CCNT1: variants seen among roughly 807,000 people sequenced by gnomAD.
CCNT1 encodes the protein cyclin T1, also known as cyclin-T1.
A neutral mutation model predicts 67.3 loss-of-function variants in CCNT1; 18 were observed. The observed-to-expected ratio is 0.27, with a 90% confidence interval of 0.18 to 0.40. The LOEUF is 0.40. Ranked by LOEUF, CCNT1 falls within the 10% of genes least tolerant of loss-of-function variation. The pLI, the probability that CCNT1 is intolerant of heterozygous loss-of-function variation, is 1.00. For synonymous variants in CCNT1, 333 were observed against 310.3 expected, an observed-to-expected ratio of 1.07 and a Z score of -0.77; for missense variants, 744 against 884.9, an observed-to-expected ratio of 0.84 and a Z score of 2.02.
At chr12:48,704,869 T>C (rs1940331229) in intron 3 of CCNT1, among the ~76,000 whole-genome samples, 1 of 152,164 alleles carries the variant, frequency 6.6e-6, no homozygotes, top group South Asian at 2.1e-4. Context: ...TACGTAATTA[T>C]TTCATTATGT....
At chr12:48,698,007 A>C (rs902324025) in intron 6 of CCNT1, 131 bp downstream of exon 6, 2 of 549,624 alleles carry the variant, frequency 3.6e-6, no homozygotes, top group Non-Finnish European at 3.1e-6. Context: ...TACCATGGAA[A>C]TTTAAAGTAC....
At chr12:48,701,196 A>T in intron 3 of CCNT1, 123 bp from the exon 4 acceptor site, 1 of 321,250 alleles carries the variant, frequency 3.1e-6, no homozygotes, top group Non-Finnish European at 6.3e-6. Context: ...TAGGAGGTAG[A>T]GTTAAGAACT....
intron 2 of CCNT1, among the ~76,000 whole-genome samples, chr12:48,711,025 C>T (rs549902690): frequency 2.6e-5 from 4 of 151,934 alleles, no homozygotes; most frequent in African/African-American, 9.7e-5. Context: ...CGCGCAGCCA[C>T]TGCACTCCAG....
rs1940097453 is a variant in CCNT1 at position 48,692,854 on chromosome 12, A to G, written c.*179T>C. 2 of 559,302 alleles carry G rather than the reference A, an allele frequency of 3.6e-6. No individual in the cohort carries two copies. The highest frequency in any genetic ancestry group is 3.7e-5 in the African/African-American group (2 of 53,444). The allele number at this position is 559,302 out of a possible 1,614,324, so 34.6% of individuals were successfully genotyped here. On this transcript the variant is annotated 3_prime_UTR_variant, in exon 9 of 9. Transcript: ENST00000261900. ...AAACTGTAAGAAAATAGTTAAATGC[A>G]TGAGACAGCAGATATATAGCCAAGG...
At chr12:48,694,818 T>C (rs1463856602) in intron 8 of CCNT1, among the ~76,000 whole-genome samples, 2 of 151,778 alleles carry the variant, frequency 1.3e-5, no homozygotes, top group East Asian at 3.9e-4. Context: ...GTTGTTACTG[T>C]TGTTTTTTGT....
At chr12:48,715,621 G>A (rs985187609) in intron 1 of CCNT1, among the ~76,000 whole-genome samples, 3 of 151,840 alleles carry the variant, frequency 2.0e-5, no homozygotes, top group Non-Finnish European at 4.4e-5. Context: ...CCACTACGCC[G>A]GGGTAATTTT....
intron 4 of CCNT1, 70 bp from the exon 5 acceptor site, chr12:48,699,910 T>C: frequency 1.1e-6 from 1 of 928,272 alleles, no homozygotes; most frequent in South Asian, 1.5e-5. Context: ...TGTAAAAGGA[T>C]AACTGATTGT....
rs1334824653 is a variant in CCNT1 at position 48,692,063 on chromosome 12, G to C, written c.*970C>G. ...ACCCAATTCTGTAGGGCAGAAGCTG[G>C]CCTTGCTCGCCAACCCTCCTTCCTC... On this transcript the variant is annotated 3_prime_UTR_variant, in exon 9 of 9. Transcript: ENST00000261900. 7.2e-5 allele frequency: 11 copies of C among 151,952 alleles called. No individual in the cohort carries two copies. Among genetic ancestry groups the C allele is most frequent in the Non-Finnish European group, 1.5e-5 (1 of 68,000 alleles). The allele number at this position is 151,952 out of a possible 1,614,324, so 9.4% of individuals were successfully genotyped here.
At chr12:48,715,546 C>G (rs777436632) in intron 1 of CCNT1, among the ~76,000 whole-genome samples, 4 of 151,932 alleles carry the variant, frequency 2.6e-5, no homozygotes, top group Non-Finnish European at 4.4e-5. Flanking sequence ...CTGCAACCTC[C>G]GCCTCCCGGG....
At chr12:48,711,463 A>G (rs1166518888) in intron 2 of CCNT1, among the ~76,000 whole-genome samples, 1 of 152,102 alleles carries the variant, frequency 6.6e-6, no homozygotes, top group East Asian at 1.9e-4. Flanking sequence ...AGAGTGGACA[A>G]ACTGATTTGA....
At position 48,716,600 on chromosome 12, in the gene CCNT1, G is replaced by C. The variant is rs748920111; in HGVS notation, c.76C>G (p.Arg26Gly). The C allele has an allele frequency of 1.4e-5, 22 of 1,614,112 alleles. No individual in the cohort carries two copies. The highest frequency in any genetic ancestry group is 1.9e-5 in the Non-Finnish European group (22 of 1,180,032). ...TCTTTATCTGGGTCCACGCCAAAAC[G>C]ACGGGATGGGCTATTTTCCAGCTGT... is the stretch of plus-strand genomic sequence containing the variant. ...REQLENSPSR[R>G]FGVDPDKELS... is the part of the protein sequence containing the mutation. The change falls in exon 1 of 9, where the codon CGT becomes GGT. Residue 26 changes from arginine (R) to glycine (G), a missense_variant. Around this residue, in one of 3 missense-constraint regions of CCNT1, gnomAD observed 38 missense variants for 33.7 expected, o/e 1.13. Coordinates refer to ENST00000261900, the MANE Select transcript of CCNT1 (RefSeq NM_001240.4).
chr12:48,697,021 A>G (rs930836221), intron 6 of CCNT1, among the ~76,000 whole-genome samples: 2 of 152,010 alleles, frequency 1.3e-5, no homozygotes, highest in African/African-American at 4.8e-5. Flanking sequence ...TTTAGTAAAG[A>G]TGTGGTTTCA....
chr12:48,693,676 T>G lies in CCNT1; in HGVS notation c.1538A>C (p.His513Pro), dbSNP rs777859495. ...SREHKEKHKT[H>P]PSNHHHHHNH... The stretch of plus-strand genomic sequence containing the variant: ...ATGATGATGATGATGATTAGATGGG[T>G]GAGTCTTGTGCTTTTCTTTGTGCTC... Residue 513 changes from histidine (H) to proline (P), a missense_variant, in exon 9 of 9, where the codon CAC becomes CCC. Transcript: ENST00000261900. 9 of 1,614,124 alleles carry G rather than the reference T, an allele frequency of 5.6e-6. No homozygotes were observed. The South Asian group carries it at 6.6e-5, about 12-fold the overall frequency.
At chr12:48,707,299 T>C (rs964474482) in intron 2 of CCNT1, among the ~76,000 whole-genome samples, 2 of 151,212 alleles carry the variant, frequency 1.3e-5, no homozygotes, top group African/African-American at 4.9e-5. Flanking sequence ...TTTTTTTTTT[T>C]TTTTTGAGAC....
intron 2 of CCNT1, among the ~76,000 whole-genome samples, chr12:48,710,021 A>G (rs1355454047): frequency 4.6e-5 from 7 of 151,852 alleles, no homozygotes; most frequent in Non-Finnish European, 1.0e-4. Flanking sequence ...CCAAGTGAGT[A>G]GCTGGGACTA....
At chr12:48,698,662 A>G (rs1940218185) in intron 5 of CCNT1, among the ~76,000 whole-genome samples, 1 of 152,188 alleles carries the variant, frequency 6.6e-6, no homozygotes, top group Admixed American at 6.6e-5. Flanking sequence ...GCTGTTAAGA[A>G]AGTTTTTAAT....
At chr12:48,695,934 C>CT in intron 7 of CCNT1, 65 bp downstream of exon 7, 10 of 1,581,616 alleles carry the variant, frequency 6.3e-6, no homozygotes, top group Admixed American at 1.7e-5. Flanking sequence ...ATCAAGTCAC[C>CT]TTTGGCCAGC....
At chr12:48,709,624 TAAA>T (rs995712124) in intron 2 of CCNT1, among the ~76,000 whole-genome samples, 3 of 151,910 alleles carry the variant, frequency 2.0e-5, no homozygotes, top group African/African-American at 7.3e-5. Flanking sequence ...CAAAAAATAA[TAAA>T]GGGAAGTATG....
At position 48,716,672 on chromosome 12, in the gene CCNT1, C is replaced by G. The variant is rs1333067678; in HGVS notation, c.4G>C (p.Glu2Gln). ...TTGTTGTTGTTCTTCCTCTCTCCCT[C>G]CATAGTGCTTCAACCAGAAGGCAGC... M[E>Q]GERKNNNKRW... The change falls in exon 1 of 9, where the codon GAG becomes CAG. Residue 2 changes from glutamate to glutamine, a missense_variant. Glu to Gln is a conservative substitution (Grantham distance 29). Around this residue, in one of 3 missense-constraint regions of CCNT1, gnomAD observed 38 missense variants for 33.7 expected, o/e 1.13. Transcript: ENST00000261900. 1.2e-6 allele frequency: 2 copies of G among 1,613,456 alleles called. No individual in the cohort carries two copies. Among genetic ancestry groups the G allele is most frequent in the Non-Finnish European group, 1.7e-6 (2 of 1,179,640 alleles).
Sources: allele counts gnomAD v4.1 joint callset (sites outside exome capture counted in the v4.1 genomes callset), GRCh38; gene constraint gnomAD v4.1.1; regional missense constraint gnomAD v4.1.1; transcripts MANE v1.5; gene names NCBI Gene and HGNC (gene_info 2026-07-23, HGNC 2026-07-21).